The following ITM2B variants were observed in gnomAD, a reference collection of about 807,000 sequenced individuals.
ITM2B encodes integral membrane protein 2B.
In ITM2B, 11 loss-of-function variants were observed where a neutral mutation model predicts 27.8. The observed-to-expected ratio is 0.40, with a 90% CI of 0.25 to 0.66. The LOEUF (loss-of-function observed/expected upper bound fraction) is 0.66, where lower values mean the gene tolerates loss of function less well. Among genes scored for constraint, ITM2B ranks in the 30% least tolerant of loss-of-function variants. The pLI, the probability that ITM2B is intolerant of heterozygous loss-of-function variation, is 0.43. For missense variants in ITM2B, 296 were observed against 328.9 expected, an observed-to-expected ratio of 0.90 and a Z score of 0.77; for synonymous variants, 114 against 114.3, an observed-to-expected ratio of 1.00 and a Z score of 0.02.
At chr13:48,255,259 G>A (rs570409266) in intron 2 of ITM2B, among the ~76,000 whole-genome samples, 74 of 151,546 alleles carry the variant, frequency 4.9e-4, no homozygotes, top group Non-Finnish European at 6.8e-4. Flanking sequence ...GTGTGTGCGC[G>A]CGCGTGTGCG....
At chr13:48,238,269 C>A (rs1463547424) in intron 1 of ITM2B, among the ~76,000 whole-genome samples, 1 of 152,086 alleles carries the variant, frequency 6.6e-6, no homozygotes, top group Non-Finnish European at 1.5e-5. Flanking sequence ...AGGAGATCTA[C>A]AATACAACCT....
chr13:48,249,573 G>GT (rs1455729768), intron 1 of ITM2B, among the ~76,000 whole-genome samples: 1 of 152,088 alleles, frequency 6.6e-6, no homozygotes, highest in Admixed American at 6.5e-5. Context: ...AATAATAACA[G>GT]TTTTTTCTTT....
At chr13:48,239,571 G>A (rs1443854501) in intron 1 of ITM2B, among the ~76,000 whole-genome samples, 2 of 152,212 alleles carry the variant, frequency 1.3e-5, no homozygotes, top group Admixed American at 1.3e-4. Context: ...GATGGAGGCT[G>A]CAGTGAGCTG....
intron 1 of ITM2B, among the ~76,000 whole-genome samples, chr13:48,234,614 T>A (rs566029582): frequency 3.0e-4 from 46 of 152,300 alleles, no homozygotes; most frequent in Admixed American, 3.0e-3. Flanking sequence ...AAATTCACAA[T>A]ATAATGGTAA....
intron 1 of ITM2B, among the ~76,000 whole-genome samples, chr13:48,243,149 G>A (rs1951708915): frequency 1.3e-5 from 2 of 152,150 alleles, no homozygotes; most frequent in African/African-American, 2.4e-5. Context: ...TCCTCTGATC[G>A]TCCTCTTCAA....
chr13:48,256,036 A>G lies in ITM2B; in HGVS notation c.247-141A>G. The G allele has an allele frequency of 7.3e-6, 5 of 688,560 alleles. No homozygotes were observed. The South Asian group carries it at 7.9e-5, about 11-fold the overall frequency. The allele number at this position is 688,560 out of a possible 1,614,324, so 42.7% of individuals were successfully genotyped here. ...TCTTAAAGAATATGTTAACTCTGTA[A>G]TTAAACTGTCTGACTTGTCATCTAA... On this transcript the variant is annotated intron_variant, in intron 2 of 5. Transcript: ENST00000647800.
In ITM2B at chr13:48,262,582, A is replaced by G. The variant is rs1951828899; in HGVS notation, c.*1358A>G. The G allele has an allele frequency of 6.6e-6, 1 of 152,202 alleles. No individual in the cohort carries two copies. The highest frequency in any genetic ancestry group is 2.1e-4 in the South Asian group (1 of 4,838). The allele number at this position is 152,202 out of a possible 1,614,324, so 9.4% of individuals were successfully genotyped here. A position where few individuals can be genotyped will look rare whatever the true frequency, so the allele number is the denominator to read the frequency against. ...TTCCTACTTTCCAGGCTCTAAAATT[A>G]CATGAATTTTCAGGGAGCTGTGAAC... is the stretch of plus-strand genomic sequence containing the variant. On this transcript the variant is annotated 3_prime_UTR_variant, in exon 6 of 6. Coordinates refer to ENST00000647800, the MANE Select transcript of ITM2B (RefSeq NM_021999.5).
intron 1 of ITM2B, among the ~76,000 whole-genome samples, chr13:48,239,770 A>G (rs1203054533): frequency 6.6e-6 from 1 of 152,258 alleles, no homozygotes; most frequent in African/African-American, 2.4e-5. Context: ...CACTGAAGGC[A>G]TGGGCCACTA....
intron 1 of ITM2B, among the ~76,000 whole-genome samples, chr13:48,248,564 A>G (rs1415435527): frequency 6.6e-6 from 1 of 152,126 alleles, no homozygotes; most frequent in Non-Finnish European, 1.5e-5. Context: ...TTTATCCAGG[A>G]TTTATACCTA....
chr13:48,251,848 A>G (rs1335644348), intron 1 of ITM2B, among the ~76,000 whole-genome samples: 1 of 152,320 alleles, frequency 6.6e-6, no homozygotes, highest in African/African-American at 2.4e-5. Flanking sequence ...ATGTCAGACA[A>G]GGGCTCAAGC....
chr13:48,252,974 G>A (rs140430300), intron 1 of ITM2B, among the ~76,000 whole-genome samples: 1 of 152,218 alleles, frequency 6.6e-6, no homozygotes, highest in African/African-American at 2.4e-5. Context: ...GAATATCTAG[G>A]AATTATGAAT....
At chr13:48,261,111 T>C in intron 5 of ITM2B, 28 bp from the exon 6 acceptor site, 1 of 1,505,786 alleles carries the variant, frequency 6.6e-7, no homozygotes, top group Non-Finnish European at 9.2e-7. Context: ...AATCAAAATT[T>C]TAAAAAACTT....
chr13:48,260,987 C>T, intron 5 of ITM2B, 152 bp from the exon 6 acceptor site: 1 of 611,202 alleles, frequency 1.6e-6, no homozygotes, highest in Non-Finnish European at 2.9e-6. Flanking sequence ...AGAAAAATTA[C>T]TTTTCTTCAG....
rs1417998643 is a variant in ITM2B at position 48,262,964 on chromosome 13, T to C, written c.*1740T>C. The C allele has an allele frequency of 6.6e-6, 1 of 152,154 alleles. No individual in the cohort carries two copies. The highest frequency in any genetic ancestry group is 1.5e-5 in the Non-Finnish European group (1 of 68,026). 9.4% of individuals were successfully genotyped at this position (152,154 alleles called of 1,614,324 possible). A position where few individuals can be genotyped will look rare whatever the true frequency, so the allele number is the denominator to read the frequency against. The stretch of plus-strand genomic sequence containing the variant: ...TTTGGAAGGAGCTTATTAGTTTGTT[T>C]TCCTGTTGATTATAGTAGTAATGCA... On this transcript the variant is annotated 3_prime_UTR_variant, in exon 6 of 6. Transcript: ENST00000647800.
At chr13:48,246,217 A>G (rs753299860) in intron 1 of ITM2B, among the ~76,000 whole-genome samples, 4 of 152,248 alleles carry the variant, frequency 2.6e-5, no homozygotes, top group Non-Finnish European at 5.9e-5. Context: ...GAAATCTAAT[A>G]TTGACAGAAG....
chr13:48,242,625 A>C lies in ITM2B; in HGVS notation c.117+9148A>C, dbSNP rs1029395141. 1.1e-4 allele frequency among the ~76,000 whole-genome samples: 17 copies of C among 152,220 alleles called. No homozygotes were observed. The East Asian group carries it at 2.1e-3, about 19-fold the overall frequency. On this transcript the variant is annotated intron_variant, in intron 1 of 5. Transcript: ENST00000647800. Reference sequence around the variant, plus strand: ...TCGTTATTCCATCCTCATATTTGATAATTTATCTGGGTGTAAAATTCTAGG... The same window carrying C: ...TCGTTATTCCATCCTCATATTTGATCATTTATCTGGGTGTAAAATTCTAGG...
intron 5 of ITM2B, 152 bp downstream of exon 5, chr13:48,259,099 T>A: frequency 1.6e-6 from 1 of 620,248 alleles, no homozygotes; most frequent in Non-Finnish European, 2.8e-6. Flanking sequence ...TATAGAATTA[T>A]CTTAATTCCA....
chr13:48,261,273 C>G lies in ITM2B; in HGVS notation c.*49C>G. On this transcript the variant is annotated 3_prime_UTR_variant, in exon 6 of 6. Transcript: ENST00000647800. ...GGAAAATTAATATCACAGCATAACC[C>G]CACCCTTTACATTTTGTGCAGTGAT... 1 of 1,232,176 alleles carries G rather than the reference C, an allele frequency of 8.1e-7. No homozygotes were observed. The highest frequency in any genetic ancestry group is 1.2e-6 in the Non-Finnish European group (1 of 834,202). The allele number at this position is 1,232,176 out of a possible 1,614,324, so 76.3% of individuals were successfully genotyped here. A position where few individuals can be genotyped will look rare whatever the true frequency, so the allele number is the denominator to read the frequency against.
At chr13:48,249,268 C>T (rs1359790115) in intron 1 of ITM2B, among the ~76,000 whole-genome samples, 2 of 152,132 alleles carry the variant, frequency 1.3e-5, no homozygotes, top group Non-Finnish European at 2.9e-5. Context: ...TTGTGCTAAA[C>T]TTCTTTCACT....
Sources: allele counts gnomAD v4.1 joint callset (sites outside exome capture counted in the v4.1 genomes callset), GRCh38; gene constraint gnomAD v4.1.1; transcripts MANE v1.5; gene names NCBI Gene and HGNC (gene_info 2026-07-23, HGNC 2026-07-21).